Variants in GRK3 observed in about 807,000 individuals in gnomAD.
The protein encoded by GRK3 is adrenergic, beta, receptor kinase 2.
A neutral mutation model predicts 95.7 loss-of-function variants in GRK3; 54 were observed. The observed-to-expected ratio is 0.56, with a 90% CI of 0.45 to 0.71. The LOEUF (loss-of-function observed/expected upper bound fraction) is 0.71, where lower values mean the gene tolerates loss of function less well. GRK3 is among the 30% of genes least tolerant of loss of function. GRK3 has a pLI of 0.00. For synonymous variants in GRK3, 281 were observed against 290.8 expected, an observed-to-expected ratio of 0.97 and a Z score of 0.34; for missense variants, 649 against 851.2, an observed-to-expected ratio of 0.76 and a Z score of 2.96.
intron 18 of GRK3, among the ~76,000 whole-genome samples, chr22:25,717,287 G>C (rs1243183026): frequency 6.6e-6 from 1 of 152,122 alleles, no homozygotes. Context: ...AGGGATGACT[G>C]TGCTCGTATT....
chr22:25,667,433 C>G lies in GRK3; in HGVS notation c.442-306C>G, dbSNP rs550297653. 2.6e-5 allele frequency among the ~76,000 whole-genome samples: 4 copies of G among 152,316 alleles called. No homozygotes were observed. The South Asian group carries it at 8.3e-4, about 32-fold the overall frequency. On this transcript the variant is annotated intron_variant, in intron 5 of 20. Transcript: ENST00000324198. The stretch of plus-strand genomic sequence containing the variant: ...CAGCACCAGGCTTTTCTGAGTCACA[C>G]TTCCATGAAGCGAGCCCTGCTCCTG...
chr22:25,692,859 A>G (rs1051368650), intron 12 of GRK3, among the ~76,000 whole-genome samples: 1 of 152,172 alleles, frequency 6.6e-6, no homozygotes, highest in Non-Finnish European at 1.5e-5. Context: ...GGCATGATCT[A>G]TTTAGTACAA....
At chr22:25,680,535 A>C (rs987047405) in intron 9 of GRK3, among the ~76,000 whole-genome samples, 2 of 152,210 alleles carry the variant, frequency 1.3e-5, no homozygotes, top group Non-Finnish European at 2.9e-5. Flanking sequence ...ACATAAGTAT[A>C]GTTTTCATGT....
chr22:25,622,506 G>A (rs1030752906), intron 2 of GRK3, among the ~76,000 whole-genome samples: 9 of 152,342 alleles, frequency 5.9e-5, no homozygotes, highest in Admixed American at 3.9e-4. Flanking sequence ...AGGGAGTGCA[G>A]TGTGTTTCAG....
chr22:25,583,599 G>GGAT (rs1932183902), intron 1 of GRK3, among the ~76,000 whole-genome samples: 1 of 152,116 alleles, frequency 6.6e-6, no homozygotes, highest in African/African-American at 2.4e-5. Flanking sequence ...TGAAGGCAGG[G>GGAT]GATGAGTGGG....
chr22:25,644,667 TA>T lies in GRK3; in HGVS notation c.264+4del. 6.6e-7 allele frequency: 1 copy of T among 1,517,352 alleles called. No homozygotes were observed. The highest frequency in any genetic ancestry group is 9.1e-7 in the Non-Finnish European group (1 of 1,102,942). 94.0% of individuals were successfully genotyped at this position (1,517,352 alleles called of 1,614,324 possible). A position where few individuals can be genotyped will look rare whatever the true frequency, so the allele number is the denominator to read the frequency against. ...CCTCAGGTGAAGTTTTATGAAGAGG[TA>T]AGAAGTAACTGTTTTACTGATGCTT... On this transcript the variant is annotated splice_donor_region_variant and intron_variant, in intron 3 of 20. Coordinates refer to ENST00000324198, the MANE Select transcript of GRK3 (RefSeq NM_005160.4).
intron 3 of GRK3, among the ~76,000 whole-genome samples, chr22:25,658,342 A>G (rs2084887126): frequency 6.6e-6 from 1 of 152,174 alleles, no homozygotes; most frequent in Admixed American, 6.5e-5. Context: ...TGTTCGTTGA[A>G]GAATACAGTT....
At chr22:25,575,206 A>C (rs1931847794) in intron 1 of GRK3, among the ~76,000 whole-genome samples, 1 of 152,226 alleles carries the variant, frequency 6.6e-6, no homozygotes, top group African/African-American at 2.4e-5. Context: ...GATGTTTCAA[A>C]ATATTTTAAA....
In GRK3 at chr22:25,704,109, A is replaced by G. The variant is rs142484156; in HGVS notation, c.1228A>G (p.Asn410Asp). The stretch of plus-strand genomic sequence containing the variant: ...GAAATCTTACTCGTCTTTTCCCCAG[A>G]ATGTGGAACTTCCAGACACCTTCTC... ...HEIDRMTLTV[N>D]VELPDTFSPE... Residue 410 changes from asparagine to aspartate, a missense_variant and splice_region_variant, in exon 15 of 21, where the codon AAT (asparagine) becomes GAT (aspartate). Physicochemically the swap from Asn to Asp is conservative, Grantham distance 23. Coordinates refer to ENST00000324198, the MANE Select transcript of GRK3 (RefSeq NM_005160.4). 113 of 1,609,844 alleles carry G rather than the reference A, an allele frequency of 7.0e-5. 1 individual carries two copies. The highest frequency in any genetic ancestry group is 8.9e-5 in the Non-Finnish European group (105 of 1,177,436).
At chr22:25,620,006 TTG>T (rs56260834) in intron 2 of GRK3, among the ~76,000 whole-genome samples, 3,177 of 90,050 alleles carry the variant, frequency 0.035, 42 homozygotes, top group Middle Eastern at 0.081. Context: ...TTTGTCTTTT[TTG>T]TGTGTGTGTG....
chr22:25,610,104 G>T (rs2084485308), intron 2 of GRK3, among the ~76,000 whole-genome samples: 1 of 151,986 alleles, frequency 6.6e-6, no homozygotes. Flanking sequence ...ACCCACCTCG[G>T]CCTCCCAAAG....
intron 13 of GRK3, among the ~76,000 whole-genome samples, chr22:25,700,437 A>G (rs1451115279): frequency 6.6e-6 from 1 of 152,164 alleles, no homozygotes; most frequent in Non-Finnish European, 1.5e-5. Context: ...GACATGAGGG[A>G]GAGCCTGGGC....
chr22:25,619,758 C>T (rs5752190), intron 2 of GRK3, among the ~76,000 whole-genome samples: 1 of 147,042 alleles, frequency 6.8e-6, no homozygotes, highest in Non-Finnish European at 1.5e-5. Flanking sequence ...TCCCAAAATG[C>T]TGGGATTATG....
At chr22:25,595,939 C>G (rs567448152) in intron 1 of GRK3, among the ~76,000 whole-genome samples, 3 of 152,128 alleles carry the variant, frequency 2.0e-5, no homozygotes, top group Admixed American at 2.0e-4. Context: ...AGAGCGAGAC[C>G]CGCTTTGTAT....
chr22:25,698,202 A>G (rs2085226255), intron 13 of GRK3, among the ~76,000 whole-genome samples: 1 of 142,896 alleles, frequency 7.0e-6, no homozygotes, highest in African/African-American at 2.6e-5. Context: ...GGGAAGGAGG[A>G]AGGGAGGGAA....
intron 1 of GRK3, among the ~76,000 whole-genome samples, chr22:25,595,249 G>A (rs1339625430): frequency 3.9e-5 from 6 of 152,036 alleles, no homozygotes; most frequent in African/African-American, 9.7e-5. Flanking sequence ...ATTCTATACC[G>A]AGAAAACCCT....
Position 25,650,925 on chromosome 22 carries a change from C to G in GRK3, c.264+6260C>G, listed in dbSNP as rs181343433. On this transcript the variant is annotated intron_variant, in intron 3 of 20. Coordinates refer to ENST00000324198, the MANE Select transcript of GRK3 (RefSeq NM_005160.4). Reference sequence around the variant, plus strand: ...GTCTACTTAATGGTGGTCATTTTTTCCCCTTTAGAATATATTAAATAGTTG... The same window carrying G: ...GTCTACTTAATGGTGGTCATTTTTTGCCCTTTAGAATATATTAAATAGTTG... Among the ~76,000 whole-genome samples the G allele has an allele frequency of 8.0e-4, 121 of 152,042 alleles. 1 individual carries two copies. In the East Asian group the frequency reaches 0.011, roughly 14 times the overall value.
rs1292837899 is a variant in GRK3 at position 25,658,336 on chromosome 22, C to T, written c.265-3240C>T. On this transcript the variant is annotated intron_variant, in intron 3 of 20. Coordinates refer to ENST00000324198, the MANE Select transcript of GRK3 (RefSeq NM_005160.4). ...AGGTGTATGGATTTTTTCATCTGTT[C>T]GTTGAAGAATACAGTTAACTTGGCT... 7.2e-5 allele frequency among the ~76,000 whole-genome samples: 11 copies of T among 152,236 alleles called. No individual in the cohort carries two copies. In the South Asian group the frequency reaches 1.0e-3, roughly 14 times the overall value.
intron 18 of GRK3, among the ~76,000 whole-genome samples, chr22:25,715,850 C>T (rs1179926106): frequency 2.6e-5 from 4 of 152,124 alleles, no homozygotes. Flanking sequence ...TGATGATTTT[C>T]CTGTGGCATT....
Sources: gnomAD v4.1 joint callset for allele counts (sites outside exome capture counted in the v4.1 genomes callset) on GRCh38, gnomAD v4.1.1 for gene constraint, MANE v1.5 for transcripts, NCBI Gene and HGNC (gene_info 2026-07-23, HGNC 2026-07-21) for gene names.